The following SCN9A variants were observed in gnomAD, a reference collection of about 807,000 sequenced individuals.
The protein encoded by SCN9A is sodium voltage-gated channel alpha subunit 9, also known as sodium channel protein type 9 subunit alpha.
SCN9A carries 131 observed loss-of-function variants against 187.0 expected under a neutral mutation model. That is an observed-to-expected ratio of 0.70 (90% CI 0.61 to 0.81). The LOEUF is 0.81. Ranked by LOEUF, SCN9A falls within the 30% of genes least tolerant of loss-of-function variation. The pLI is 0.00. For missense variants in SCN9A, 2,252 were observed against 2,396.6 expected (o/e 0.94, Z 1.26); for synonymous variants, 809 against 808.6 (o/e 1.00, Z -0.01).
chr2:166,285,034 A>C (rs1462185448), intron 11 of SCN9A, among the ~76,000 whole-genome samples: 1 of 152,240 alleles, frequency 6.6e-6, no homozygotes, highest in Non-Finnish European at 1.5e-5. Context: ...TTTCAGGACC[A>C]GGTAAATTAT....
intron 9 of SCN9A, among the ~76,000 whole-genome samples, chr2:166,290,459 T>C (rs1360224172): frequency 2.6e-5 from 4 of 152,198 alleles, no homozygotes; most frequent in Non-Finnish European, 5.9e-5. Context: ...GGTCAAATGG[T>C]ATTTCTGGTT....
At chr2:166,364,724 G>A (rs1700373875) in intron 1 of SCN9A, among the ~76,000 whole-genome samples, 1 of 152,052 alleles carries the variant, frequency 6.6e-6, no homozygotes, top group South Asian at 2.1e-4. Flanking sequence ...TTTTTGTTTG[G>A]AATGATGAAA....
intron 1 of SCN9A, among the ~76,000 whole-genome samples, chr2:166,327,587 C>T (rs1457201719): frequency 1.3e-5 from 2 of 152,022 alleles, no homozygotes; most frequent in African/African-American, 2.4e-5. Flanking sequence ...TTATTTGTTA[C>T]CTGAAATTTT....
rs143621886 is a variant in SCN9A, at chr2:166,224,046, C to T, written c.4398+2521G>A. Among the ~76,000 whole-genome samples, 1,083 of 152,230 alleles carry T rather than the reference C, an allele frequency of 7.1e-3. 13 individuals are homozygous for T. Among genetic ancestry groups the T allele is most frequent in the South Asian group, 0.051 (244 of 4,830 alleles). The stretch of plus-strand genomic sequence containing the variant: ...TTCCTGACTTTGGTGGTGATAGTAT[C>T]AACCCATCCTATTTTACTTCCTGCA... On this transcript the variant is annotated intron_variant, in intron 24 of 26. Coordinates refer to ENST00000642356, the MANE Select transcript of SCN9A (RefSeq NM_001365536.1).
intron 1 of SCN9A, among the ~76,000 whole-genome samples, chr2:166,324,084 T>C (rs1212627400): frequency 1.3e-5 from 2 of 151,724 alleles, no homozygotes; most frequent in Non-Finnish European, 2.9e-5. Flanking sequence ...CTGTTTTGCA[T>C]TCCATCACTG....
At chr2:166,227,612 G>T in intron 23 of SCN9A, 58 bp downstream of exon 23, 3 of 1,005,986 alleles carry the variant, frequency 3.0e-6, no homozygotes, top group South Asian at 1.4e-5. Context: ...GGAAATCACT[G>T]AAATAAACTA....
At chr2:166,229,110 C>T in intron 21 of SCN9A, 138 bp from the exon 22 acceptor site, 1 of 639,510 alleles carries the variant, frequency 1.6e-6, no homozygotes, top group South Asian at 2.2e-5. Context: ...AACCAGCCGA[C>T]TCATGTTTAT....
At chr2:166,293,203 T>C in intron 9 of SCN9A, 28 bp downstream of exon 9, 2 of 1,563,372 alleles carry the variant, frequency 1.3e-6, no homozygotes, top group Non-Finnish European at 1.7e-6. Context: ...CATTCAAAAA[T>C]ACAATGCATG....
In SCN9A at chr2:166,375,753, G is replaced by C. The variant is rs914325594; in HGVS notation, c.-107C>G. 1 of 152,314 alleles carries C rather than the reference G, an allele frequency of 6.6e-6. No homozygotes were observed. Among genetic ancestry groups the C allele is most frequent in the Admixed American group, 6.5e-5 (1 of 15,278 alleles). The allele number at this position is 152,314 out of a possible 1,614,324, so 9.4% of individuals were successfully genotyped here. On this transcript the variant is annotated 5_prime_UTR_variant, in exon 1 of 27. Transcript: ENST00000642356. ...AGTGCACCTGCAGAATCTGGCTCCA[G>C]GAGAGGGCGCGGGCCTCTCCTTCCC...
chr2:166,237,749 A>G (rs564354104), intron 20 of SCN9A, among the ~76,000 whole-genome samples: 2 of 152,200 alleles, frequency 1.3e-5, no homozygotes, highest in African/African-American at 4.8e-5. Flanking sequence ...CTGCCCTTTT[A>G]TCATCTCCTA....
intron 24 of SCN9A, among the ~76,000 whole-genome samples, chr2:166,215,572 G>C (rs1694294965): frequency 6.6e-6 from 1 of 151,562 alleles, no homozygotes; most frequent in Non-Finnish European, 1.5e-5. Flanking sequence ...AATGAAAGAA[G>C]GGAGACTAAC....
chr2:166,324,833 G>C (rs190100237), intron 1 of SCN9A, among the ~76,000 whole-genome samples: 59 of 152,112 alleles, frequency 3.9e-4, no homozygotes, highest in African/African-American at 1.4e-3. Flanking sequence ...GAGAAATTGC[G>C]ACAGCCTAGA....
chr2:166,374,083 T>A (rs16852054), intron 1 of SCN9A, among the ~76,000 whole-genome samples: 1,726 of 152,268 alleles, frequency 0.011, 12 homozygotes, highest in South Asian at 0.015. Flanking sequence ...GCTCCCATGA[T>A]TATATGCAGG....
chr2:166,251,740 A>G (rs774323184), intron 18 of SCN9A, 25 bp downstream of exon 18: 1 of 1,611,864 alleles, frequency 6.2e-7, no homozygotes, highest in Non-Finnish European at 8.5e-7. Context: ...AGGAATGCTA[A>G]CCAAGGTCTC....
In SCN9A at chr2:166,198,219, A is replaced by T. The variant is rs1240638002; in HGVS notation, c.*453T>A. 1 of 159,260 alleles carries T rather than the reference A, an allele frequency of 6.3e-6. No individual in the cohort carries two copies. Among genetic ancestry groups the T allele is most frequent in the Admixed American group, 6.0e-5 (1 of 16,730 alleles). The allele number at this position is 159,260 out of a possible 1,614,324, so 9.9% of individuals were successfully genotyped here. On this transcript the variant is annotated 3_prime_UTR_variant, in exon 27 of 27. Transcript: ENST00000642356. ...AACTAAACATTCATAACTAATGTCC[A>T]TTACTTCTATCAAGCATTTCATTGC... is the stretch of plus-strand genomic sequence containing the variant.
At chr2:166,306,806 A>G (rs1476028996) in intron 3 of SCN9A, 150 bp downstream of exon 3, 23 of 637,432 alleles carry the variant, frequency 3.6e-5, no homozygotes, top group Non-Finnish European at 4.2e-5. Context: ...CTTCTCTGAG[A>G]CCCATGACAA....
At chr2:166,234,764 GT>G (rs1380861193) in intron 20 of SCN9A, among the ~76,000 whole-genome samples, 1 of 151,598 alleles carries the variant, frequency 6.6e-6, no homozygotes, top group African/African-American at 2.4e-5. Flanking sequence ...TTTTTTTAAT[GT>G]TTTGCTGTGG....
chr2:166,277,937 A>T (rs1459096794), intron 15 of SCN9A: 1 of 497,280 alleles, frequency 2.0e-6, no homozygotes, highest in Non-Finnish European at 3.5e-6. Context: ...ATTAGAATTG[A>T]GCATGTCTTC....
intron 7 of SCN9A, among the ~76,000 whole-genome samples, chr2:166,297,141 G>A (rs557876332): frequency 2.0e-3 from 265 of 131,532 alleles, no homozygotes; most frequent in Middle Eastern, 9.9e-3. Context: ...AGCTTACAGT[G>A]AGCCGAGATA....
Sources: gnomAD v4.1 joint callset for allele counts (sites outside exome capture counted in the v4.1 genomes callset) on GRCh38, gnomAD v4.1.1 for gene constraint, MANE v1.5 for transcripts, NCBI Gene and HGNC (gene_info 2026-07-23, HGNC 2026-07-21) for gene names.